The following PIK3R4 variants were observed in gnomAD, a reference collection of about 807,000 sequenced individuals.
The protein encoded by PIK3R4 is phosphoinositide 3-kinase regulatory subunit 4.
In PIK3R4, 46 loss-of-function variants were observed where a neutral mutation model predicts 136.5. The observed-to-expected ratio is 0.34, with a 90% CI of 0.27 to 0.43. The LOEUF (loss-of-function observed/expected upper bound fraction) is 0.43, where lower values mean the gene tolerates loss of function less well. PIK3R4 is among the 20% of genes least tolerant of loss of function. The pLI is 1.00. For missense variants in PIK3R4, 1,331 were observed against 1,649.5 expected (o/e 0.81, Z 3.35); for synonymous variants, 557 against 566.7 (o/e 0.98, Z 0.24).
chr3:130,695,592 G>A (rs1011765883), intron 13 of PIK3R4, among the ~76,000 whole-genome samples: 40 of 152,220 alleles, frequency 2.6e-4, no homozygotes, highest in Middle Eastern at 3.4e-3. Flanking sequence ...AGCTGTCCCA[G>A]TTATGAGATT....
In PIK3R4 at chr3:130,728,594, T is replaced by C; in HGVS notation, c.1676A>G (p.Asn559Ser). The C allele has an allele frequency of 6.2e-7, 1 of 1,612,952 alleles. No homozygotes were observed. Among genetic ancestry groups the C allele is most frequent in the Non-Finnish European group, 8.5e-7 (1 of 1,179,454 alleles). Residue 559 changes from asparagine to serine, a missense_variant, in exon 6 of 20, where the codon AAT becomes AGT. By Grantham distance (46) the Asn-to-Ser change is conservative. Around this residue, in one of 2 missense-constraint regions of PIK3R4, gnomAD observed 1,180 missense variants for 1,407.0 expected, o/e 0.84. Coordinates refer to ENST00000356763, the MANE Select transcript of PIK3R4 (RefSeq NM_014602.3). ...GAATACACACAGCCGTGTTATTCCA[T>C]TTTCCATCAAGGTTTGTTTTACAAT... Reference protein sequence around the residue: ...ENIVKQTLMENGITRLCVFFG... With the variant: ...ENIVKQTLMESGITRLCVFFG...
intron 6 of PIK3R4, among the ~76,000 whole-genome samples, chr3:130,724,683 C>T (rs2107616094): frequency 6.6e-6 from 1 of 152,014 alleles, no homozygotes; most frequent in Middle Eastern, 3.4e-3. Flanking sequence ...GTGGAGCACA[C>T]AAAATAGATT....
intron 4 of PIK3R4, among the ~76,000 whole-genome samples, chr3:130,732,361 A>G (rs1024142533): frequency 6.6e-6 from 1 of 152,208 alleles, no homozygotes; most frequent in African/African-American, 2.4e-5. Context: ...AACACAATTG[A>G]GAACAGATTA....
Position 130,715,121 on chromosome 3 carries a change from C to CTT in PIK3R4, c.2331+1273_2331+1274dup, listed in dbSNP as rs1170237161. Among the ~76,000 whole-genome samples, 204 of 119,878 alleles carry CTT rather than the reference C, an allele frequency of 1.7e-3. 2 individuals are homozygous for CTT. The highest frequency in any genetic ancestry group is 2.2e-3 in the East Asian group (9 of 4,100). The allele number at this position is 119,878 out of a possible 152,430, so 78.6% of individuals were successfully genotyped here. The stretch of plus-strand genomic sequence containing the variant: ...CTCCCCAGGATCTATTTTTTCCCGA[C>CTT]TTTTTTTTTTTTTTTTTTTTTGGAG... On this transcript the variant is annotated intron_variant, in intron 9 of 19. Coordinates refer to ENST00000356763, the MANE Select transcript of PIK3R4 (RefSeq NM_014602.3).
rs1054026229 is a variant in PIK3R4 at position 130,734,055 on chromosome 3, C to T, written c.943G>A (p.Ala315Thr). Residue 315 changes from alanine (A) to threonine (T), a missense_variant, in exon 4 of 20, where the codon GCC (alanine) becomes ACC (threonine). Around this residue, in one of 2 missense-constraint regions of PIK3R4, gnomAD observed 1,180 missense variants for 1,407.0 expected, o/e 0.84. Coordinates refer to ENST00000356763, the MANE Select transcript of PIK3R4 (RefSeq NM_014602.3). ...EDYLKQQRGN[A>T]FPEIFYTFLQ... ...AAAGTGTAAAATATTTCAGGAAAGG[C>T]ATTGCCACGCTGCTGTTTTAAGTAA... 2 of 1,613,990 alleles carry T rather than the reference C, an allele frequency of 1.2e-6. No individual in the cohort carries two copies. Among genetic ancestry groups the T allele is most frequent in the African/African-American group, 2.7e-5 (2 of 74,930 alleles).
chr3:130,735,582 T>C (rs1360312910), intron 3 of PIK3R4, among the ~76,000 whole-genome samples: 1 of 152,188 alleles, frequency 6.6e-6, no homozygotes, highest in Non-Finnish European at 1.5e-5. Flanking sequence ...CTCCAACCCC[T>C]AGAAACTACC....
chr3:130,691,807 C>T (rs2066520600), intron 13 of PIK3R4, among the ~76,000 whole-genome samples: 1 of 150,792 alleles, frequency 6.6e-6, no homozygotes. Context: ...AATACATTCA[C>T]ACTTGTTTTT....
chr3:130,724,578 G>T (rs1460283817), intron 6 of PIK3R4, among the ~76,000 whole-genome samples: 1 of 151,940 alleles, frequency 6.6e-6, no homozygotes, highest in Non-Finnish European at 1.5e-5. Flanking sequence ...AAAAATTGTT[G>T]AGAATTCTCA....
At chr3:130,717,860 G>C (rs1023492110) in intron 8 of PIK3R4, among the ~76,000 whole-genome samples, 1 of 152,154 alleles carries the variant, frequency 6.6e-6, no homozygotes, top group Non-Finnish European at 1.5e-5. Flanking sequence ...TGAAAATCTA[G>C]GTGAATAATA....
chr3:130,692,889 G>T (rs1327007636), intron 13 of PIK3R4, among the ~76,000 whole-genome samples: 1 of 152,122 alleles, frequency 6.6e-6, no homozygotes, highest in African/African-American at 2.4e-5. Context: ...TTTTAAAGGG[G>T]TTTACAAAGT....
chr3:130,718,912 T>C (rs933643572), intron 7 of PIK3R4, among the ~76,000 whole-genome samples: 2 of 152,074 alleles, frequency 1.3e-5, no homozygotes, highest in Admixed American at 6.6e-5. Context: ...ATTCCCCAAC[T>C]TGTACCCCCA....
In PIK3R4 at chr3:130,681,676, A is replaced by G. The variant is rs558339179; in HGVS notation, c.3608-85T>C. ...CAAAACAAATTGCAGTCCTGAGAGA[A>G]AGAAAGAAAAATTTCTTTCTTTCTT... On this transcript the variant is annotated intron_variant, in intron 16 of 19. Transcript: ENST00000356763. The G allele has an allele frequency of 4.5e-5, 34 of 747,594 alleles. 1 individual carries two copies. In the South Asian group the frequency reaches 5.5e-4, roughly 12 times the overall value. The allele number at this position is 747,594 out of a possible 1,614,324, so 46.3% of individuals were successfully genotyped here.
chr3:130,681,100 C>T (rs1239492566), intron 17 of PIK3R4, 35 bp from the exon 18 acceptor site: 1 of 1,121,236 alleles, frequency 8.9e-7, no homozygotes, highest in African/African-American at 1.5e-5. Flanking sequence ...AAATAAAAGA[C>T]ATCCGTGTAT....
At position 130,728,548 on chromosome 3, in the gene PIK3R4, G is replaced by T. The variant is rs775711480; in HGVS notation, c.1722C>A (p.Asn574Lys). The T allele has an allele frequency of 6.2e-7, 1 of 1,613,528 alleles. No individual in the cohort carries two copies. Among genetic ancestry groups the T allele is most frequent in the Non-Finnish European group, 8.5e-7 (1 of 1,179,688 alleles). ...TAATCATGTGGGACAACAAAACATC[G>T]TTGGCTTTCTGACGTCCAAAGAATA... ...LCVFFGRQKA[N>K]DVLLSHMITF... Residue 574 changes from asparagine to lysine, a missense_variant, in exon 6 of 20, where the codon AAC (asparagine) becomes AAA (lysine). By Grantham distance (94) the Asn-to-Lys change is moderately conservative (BLOSUM62 0). Transcript: ENST00000356763.
chr3:130,724,240 G>T (rs538150995), intron 6 of PIK3R4, among the ~76,000 whole-genome samples: 1 of 152,202 alleles, frequency 6.6e-6, no homozygotes, highest in Non-Finnish European at 1.5e-5. Flanking sequence ...TTTCTAAAAG[G>T]AAAACAAAGA....
intron 3 of PIK3R4, among the ~76,000 whole-genome samples, chr3:130,735,308 G>C (rs1244187412): frequency 6.6e-6 from 1 of 152,102 alleles, no homozygotes; most frequent in Non-Finnish European, 1.5e-5. Flanking sequence ...ACTTAGAAAA[G>C]ATGCCCTCAA....
intron 13 of PIK3R4, among the ~76,000 whole-genome samples, chr3:130,695,212 G>A (rs551504526): frequency 6.6e-6 from 1 of 152,140 alleles, no homozygotes; most frequent in South Asian, 2.1e-4. Context: ...TTAATTATGG[G>A]TATTGGTCTA....
intron 13 of PIK3R4, among the ~76,000 whole-genome samples, chr3:130,698,701 CTTGT>C (rs1276707871): frequency 2.6e-5 from 4 of 152,060 alleles, no homozygotes; most frequent in African/African-American, 9.7e-5. Flanking sequence ...GCCATCCTTA[CTTGT>C]TTCTTTGCCT....
chr3:130,727,639 T>C (rs181640659), intron 6 of PIK3R4, among the ~76,000 whole-genome samples: 314 of 152,302 alleles, frequency 2.1e-3, no homozygotes, highest in Non-Finnish European at 3.7e-3. Context: ...TACAACTATG[T>C]GGGAAATGAT....
Sources: gnomAD v4.1 joint callset for allele counts (sites outside exome capture counted in the v4.1 genomes callset) on GRCh38, gnomAD v4.1.1 for gene constraint, gnomAD v4.1.1 regional missense constraint, MANE v1.5 for transcripts, NCBI Gene and HGNC (gene_info 2026-07-23, HGNC 2026-07-21) for gene names.